Variants in VTI1A observed in about 807,000 individuals in gnomAD.
The protein encoded by VTI1A is vesicle transport through interaction with t-SNAREs homolog 1A.
Under a neutral mutation model 34.9 loss-of-function variants are expected in VTI1A, and 22 were observed. The observed-to-expected ratio is 0.63, with a 90% confidence interval of 0.45 to 0.90. The LOEUF is 0.90. Ranked by LOEUF, VTI1A falls within the 40% of genes least tolerant of loss-of-function variation. VTI1A has a pLI of 0.00. For missense variants in VTI1A, 268 were observed against 275.6 expected (o/e 0.97, Z 0.20); for synonymous variants, 87 against 97.3 (o/e 0.89, Z 0.62).
At chr10:112,552,429 C>G (rs1851391920) in intron 5 of VTI1A, among the ~76,000 whole-genome samples, 1 of 151,712 alleles carries the variant, frequency 6.6e-6, no homozygotes, top group African/African-American at 2.4e-5. Flanking sequence ...TCATTTGAAA[C>G]CAACAAACCA....
intron 7 of VTI1A, among the ~76,000 whole-genome samples, chr10:112,768,554 A>G (rs1851712016): frequency 6.6e-6 from 1 of 152,060 alleles, no homozygotes; most frequent in Non-Finnish European, 1.5e-5. Context: ...CTCAACCTCT[A>G]TCTGTTCTGG....
At chr10:112,618,749 G>A (rs1301197008) in intron 5 of VTI1A, among the ~76,000 whole-genome samples, 2 of 151,706 alleles carry the variant, frequency 1.3e-5, no homozygotes, top group Admixed American at 6.6e-5. Flanking sequence ...ATACATTTTG[G>A]CGTCTGCCTC....
At chr10:112,528,169 A>T (rs1195068982) in intron 4 of VTI1A, among the ~76,000 whole-genome samples, 2 of 152,170 alleles carry the variant, frequency 1.3e-5, no homozygotes, top group East Asian at 3.9e-4. Flanking sequence ...TTTTAATAGG[A>T]TAGTGAAACC....
chr10:112,602,035 G>T (rs1312021686), intron 5 of VTI1A, among the ~76,000 whole-genome samples: 6 of 152,096 alleles, frequency 3.9e-5, no homozygotes, highest in Admixed American at 3.9e-4. Flanking sequence ...AAAATGAGAA[G>T]AACTGAAACA....
At chr10:112,504,991 AT>A (rs1304411965) in intron 3 of VTI1A, among the ~76,000 whole-genome samples, 2 of 151,404 alleles carry the variant, frequency 1.3e-5, no homozygotes, top group Non-Finnish European at 3.0e-5. Flanking sequence ...AAGTTCTATT[AT>A]TTTTTTTAAT....
chr10:112,741,646 T>C (rs1248907841), intron 7 of VTI1A, among the ~76,000 whole-genome samples: 1 of 152,182 alleles, frequency 6.6e-6, no homozygotes, highest in Non-Finnish European at 1.5e-5. Flanking sequence ...ATGAAGATAT[T>C]TTCAGATAAA....
chr10:112,801,483 A>T (rs1283432493), intron 7 of VTI1A, among the ~76,000 whole-genome samples: 1 of 152,152 alleles, frequency 6.6e-6, no homozygotes, highest in Admixed American at 6.5e-5. Context: ...CATTTCGTGG[A>T]TGGGGAAACT....
chr10:112,548,964 CTTCTCT>C (rs1851242318), intron 5 of VTI1A: 1 of 660,528 alleles, frequency 1.5e-6, no homozygotes, highest in African/African-American at 1.8e-5. Flanking sequence ...ATCTTTCTTT[CTTCTCT>C]TCTTCTCCTT....
chr10:112,574,712 G>C (rs887925206), intron 5 of VTI1A, among the ~76,000 whole-genome samples: 2 of 152,196 alleles, frequency 1.3e-5, no homozygotes, highest in African/African-American at 4.8e-5. Flanking sequence ...TTAGGCACTA[G>C]GAGCAACATA....
chr10:112,721,211 A>G (rs1849795716), intron 7 of VTI1A, among the ~76,000 whole-genome samples: 1 of 152,210 alleles, frequency 6.6e-6, no homozygotes, highest in African/African-American at 2.4e-5. Flanking sequence ...GAAAGACAGC[A>G]TCAGCACATT....
chr10:112,615,844 T>C (rs11196020), intron 5 of VTI1A, among the ~76,000 whole-genome samples: 14,466 of 152,166 alleles, frequency 0.095, 759 homozygotes, highest in Non-Finnish European at 0.11. Flanking sequence ...GGAAGGAGTA[T>C]GGCACACTGA....
intron 4 of VTI1A, among the ~76,000 whole-genome samples, chr10:112,532,737 T>C (rs1850490043): frequency 6.6e-6 from 1 of 152,116 alleles, no homozygotes; most frequent in African/African-American, 2.4e-5. Context: ...AACTGCAATA[T>C]AAATGAAGTA....
chr10:112,548,793 A>G (rs1283075619), intron 5 of VTI1A: 4 of 1,496,458 alleles, frequency 2.7e-6, no homozygotes, highest in Non-Finnish European at 3.6e-6. Flanking sequence ...GCTTGCCAGG[A>G]ACCATACCAA....
chr10:112,593,758 A>G (rs1844493532), intron 5 of VTI1A, among the ~76,000 whole-genome samples: 1 of 151,794 alleles, frequency 6.6e-6, no homozygotes, highest in Non-Finnish European at 1.5e-5. Flanking sequence ...TTTTTTTGAG[A>G]CGGAGTCTTG....
At chr10:112,595,117 G>C (rs953789798) in intron 5 of VTI1A, among the ~76,000 whole-genome samples, 9 of 148,112 alleles carry the variant, frequency 6.1e-5, no homozygotes, top group African/African-American at 2.3e-4. Flanking sequence ...TATGTAGAAA[G>C]CTGAAACTGG....
intron 3 of VTI1A, among the ~76,000 whole-genome samples, chr10:112,517,849 A>G (rs979804379): frequency 1.3e-5 from 2 of 152,054 alleles, no homozygotes; most frequent in Admixed American, 1.3e-4. Flanking sequence ...AGAAGTCATG[A>G]CTACTAAATA....
intron 7 of VTI1A, among the ~76,000 whole-genome samples, chr10:112,749,104 G>A (rs1851013229): frequency 6.6e-6 from 1 of 152,168 alleles, no homozygotes; most frequent in Admixed American, 6.5e-5. Context: ...AGTCTGACAT[G>A]ATTTTTTTTC....
At chr10:112,783,854 G>A (rs1852207096) in intron 7 of VTI1A, among the ~76,000 whole-genome samples, 1 of 152,192 alleles carries the variant, frequency 6.6e-6, no homozygotes, top group African/African-American at 2.4e-5. Context: ...CCAGAGTCCG[G>A]GGAGTCTAGG....
chr10:112,785,638 C>T (rs1852265132), intron 7 of VTI1A, among the ~76,000 whole-genome samples: 1 of 152,058 alleles, frequency 6.6e-6, no homozygotes, highest in Non-Finnish European at 1.5e-5. Flanking sequence ...ATAGTTTAGC[C>T]TTTACATTTA....
Sources: gnomAD v4.1 joint callset for allele counts (sites outside exome capture counted in the v4.1 genomes callset) on GRCh38, gnomAD v4.1.1 for gene constraint, MANE v1.5 for transcripts, NCBI Gene and HGNC (gene_info 2026-07-23, HGNC 2026-07-21) for gene names.